Variants in CAMK1D observed in about 807,000 individuals in gnomAD.
The protein encoded by CAMK1D is calcium/calmodulin dependent protein kinase ID.
Under a neutral mutation model 47.7 loss-of-function variants are expected in CAMK1D, and 9 were observed. The ratio of observed to expected loss-of-function variants is 0.19; its 90% CI spans 0.11 to 0.33. The LOEUF (loss-of-function observed/expected upper bound fraction) is 0.33, where lower values mean the gene tolerates loss of function less well. Among genes scored for constraint, CAMK1D ranks in the 10% least tolerant of loss-of-function variants. The pLI is 1.00. For synonymous variants in CAMK1D, 184 were observed against 184.9 expected, an observed-to-expected ratio of 0.99 and a Z score of 0.04; for missense variants, 291 against 488.7, an observed-to-expected ratio of 0.60 and a Z score of 3.81.
chr10:12,544,465 A>G (rs1252377159), intron 1 of CAMK1D, among the ~76,000 whole-genome samples: 1 of 152,248 alleles, frequency 6.6e-6, no homozygotes, highest in Non-Finnish European at 1.5e-5. Context: ...AAAATATCAT[A>G]AATTAACAAA....
chr10:12,466,431 A>T (rs1276083083), intron 1 of CAMK1D, among the ~76,000 whole-genome samples: 3 of 151,996 alleles, frequency 2.0e-5, no homozygotes, highest in Non-Finnish European at 4.4e-5. Flanking sequence ...AAAAATTTTT[A>T]AAATTTAGCT....
chr10:12,453,742 G>A (rs1443020448), intron 1 of CAMK1D, among the ~76,000 whole-genome samples: 1 of 152,140 alleles, frequency 6.6e-6, no homozygotes, highest in Non-Finnish European at 1.5e-5. Flanking sequence ...TGAACTGCTG[G>A]TTATCCAAAA....
intron 6 of CAMK1D, among the ~76,000 whole-genome samples, chr10:12,807,741 A>G (rs1412328687): frequency 6.6e-6 from 1 of 152,092 alleles, no homozygotes; most frequent in Non-Finnish European, 1.5e-5. Flanking sequence ...CACTGGTTAC[A>G]CCGTCCTACA....
intron 2 of CAMK1D, among the ~76,000 whole-genome samples, chr10:12,659,532 G>C (rs1840214028): frequency 6.6e-6 from 1 of 152,178 alleles, no homozygotes; most frequent in African/African-American, 2.4e-5. Flanking sequence ...CAATATTTCA[G>C]TGCTATCACT....
intron 1 of CAMK1D, among the ~76,000 whole-genome samples, chr10:12,352,084 C>G (rs1019190696): frequency 6.6e-6 from 1 of 152,090 alleles, no homozygotes; most frequent in Non-Finnish European, 1.5e-5. Context: ...TAGGTATTTA[C>G]CATTACACCC....
chr10:12,823,346 C>G (rs1404662074), intron 8 of CAMK1D, among the ~76,000 whole-genome samples: 2 of 152,014 alleles, frequency 1.3e-5, no homozygotes, highest in African/African-American at 4.8e-5. Context: ...GATAGTAACC[C>G]AGAATTGAAT....
chr10:12,580,018 C>G (rs1837614005), intron 2 of CAMK1D, among the ~76,000 whole-genome samples: 1 of 152,120 alleles, frequency 6.6e-6, no homozygotes, highest in African/African-American at 2.4e-5. Flanking sequence ...AAGCTTTTTC[C>G]CTTGGCCTCC....
chr10:12,445,120 T>TTTCTCAGTC (rs1266710764), intron 1 of CAMK1D, among the ~76,000 whole-genome samples: 3 of 152,194 alleles, frequency 2.0e-5, no homozygotes, highest in African/African-American at 7.2e-5. Context: ...AAGCATCTGT[T>TTTCTCAGTC]TTCTCAGTCT....
chr10:12,829,000 T>C lies in CAMK1D; in HGVS notation c.*113T>C, dbSNP rs1390110876. 6.9e-6 allele frequency: 5 copies of C among 720,834 alleles called. No homozygotes were observed. Among genetic ancestry groups the C allele is most frequent in the African/African-American group, 1.8e-5 (1 of 55,558 alleles). The allele number at this position is 720,834 out of a possible 1,614,324, so 44.7% of individuals were successfully genotyped here. ...ACCTTGCATGGTGCCCCTTCCTGCATAGGACTGGAAGACCGAAGTTTTTTT... is the reference window on the plus strand; with the variant it reads ...ACCTTGCATGGTGCCCCTTCCTGCACAGGACTGGAAGACCGAAGTTTTTTT... On this transcript the variant is annotated 3_prime_UTR_variant, in exon 11 of 11. Transcript: ENST00000619168.
intron 5 of CAMK1D, among the ~76,000 whole-genome samples, chr10:12,780,099 A>G (rs763059770): frequency 1.3e-5 from 2 of 151,518 alleles, no homozygotes; most frequent in African/African-American, 4.9e-5. Flanking sequence ...CAGTTGGTCA[A>G]CATTCTCGGT....
chr10:12,524,503 C>CGA (rs1303233324), intron 1 of CAMK1D, among the ~76,000 whole-genome samples: 11 of 151,896 alleles, frequency 7.2e-5, no homozygotes, highest in African/African-American at 2.7e-4. Context: ...GTCAGGAGAC[C>CGA]GAGACCATCC....
intron 2 of CAMK1D, among the ~76,000 whole-genome samples, chr10:12,665,840 C>G (rs1463832412): frequency 1.3e-5 from 2 of 152,234 alleles, no homozygotes; most frequent in African/African-American, 4.8e-5. Flanking sequence ...GGAAATGCAG[C>G]CTTCGAGGCC....
intron 2 of CAMK1D, among the ~76,000 whole-genome samples, chr10:12,574,308 CTTT>C (rs796291503): frequency 1.4e-5 from 2 of 143,720 alleles, no homozygotes; most frequent in African/African-American, 2.5e-5. Flanking sequence ...CTGTTTTGTC[CTTT>C]TTTTTTTTGA....
At chr10:12,819,975 T>C (rs189895447) in intron 8 of CAMK1D, among the ~76,000 whole-genome samples, 1 of 152,132 alleles carries the variant, frequency 6.6e-6, no homozygotes, top group Admixed American at 6.5e-5. Flanking sequence ...AGTTTCCAAC[T>C]TACGGGACTC....
At chr10:12,466,363 G>T (rs560034387) in intron 1 of CAMK1D, among the ~76,000 whole-genome samples, 39 of 152,138 alleles carry the variant, frequency 2.6e-4, no homozygotes, top group African/African-American at 8.7e-4. Flanking sequence ...AGCCGAGATC[G>T]CACCACTGCA....
intron 3 of CAMK1D, among the ~76,000 whole-genome samples, chr10:12,690,056 C>G (rs1371736504): frequency 6.6e-6 from 1 of 152,188 alleles, no homozygotes; most frequent in African/African-American, 2.4e-5. Context: ...GTCCTGTGAC[C>G]TGAGTACGGC....
chr10:12,783,236 G>A (rs979834215), intron 5 of CAMK1D, among the ~76,000 whole-genome samples: 1 of 152,126 alleles, frequency 6.6e-6, no homozygotes. Context: ...CACGTGATCC[G>A]CCCACCTCAG....
intron 5 of CAMK1D, among the ~76,000 whole-genome samples, chr10:12,785,507 A>G (rs2130980317): frequency 6.6e-6 from 1 of 152,270 alleles, no homozygotes. Flanking sequence ...TTGACTAGGA[A>G]GCTCTCGGGT....
intron 1 of CAMK1D, among the ~76,000 whole-genome samples, chr10:12,549,867 G>A (rs1000914337): frequency 1.3e-5 from 2 of 152,116 alleles, no homozygotes; most frequent in Non-Finnish European, 2.9e-5. Flanking sequence ...GAGACCCCTC[G>A]CTCCCCTCCC....
Sources: allele counts gnomAD v4.1 joint callset (sites outside exome capture counted in the v4.1 genomes callset), GRCh38; gene constraint gnomAD v4.1.1; transcripts MANE v1.5; gene names NCBI Gene and HGNC (gene_info 2026-07-23, HGNC 2026-07-21).